Variants in ZNF91 observed in about 807,000 individuals in gnomAD.
ZNF91 encodes zinc finger protein 91.
A neutral mutation model predicts 12.6 loss-of-function variants in ZNF91; 7 were observed. The ratio of observed to expected loss-of-function variants is 0.55; its 90% CI spans 0.31 to 1.04. The LOEUF (loss-of-function observed/expected upper bound fraction) is 1.04. ZNF91 is among the 50% of genes least tolerant of loss of function. The pLI is 0.05. For missense variants in ZNF91, 1,217 were observed against 1,385.4 expected (o/e 0.88, Z 1.93); for synonymous variants, 453 against 462.6 (o/e 0.98, Z 0.27).
chr19:23,373,430 C>A lies in ZNF91; in HGVS notation c.253+312G>T, dbSNP rs1399761543. 2.7e-5 allele frequency among the ~76,000 whole-genome samples: 4 copies of A among 147,164 alleles called. No individual in the cohort carries two copies. The East Asian group carries it at 7.9e-4, about 29-fold the overall frequency. Reference sequence around the variant, plus strand: ...ACCTGTTTAAACTAATGAATACACTCAGTTAATTAGCAAAATGTAAAATGC... The same window carrying A: ...ACCTGTTTAAACTAATGAATACACTAAGTTAATTAGCAAAATGTAAAATGC... On this transcript the variant is annotated intron_variant, in intron 3 of 3. Transcript: ENST00000300619.
chr19:23,315,939 G>A (rs1967550178), intron 1 of ZNF91, among the ~76,000 whole-genome samples: 1 of 152,138 alleles, frequency 6.6e-6, no homozygotes, highest in African/African-American at 2.4e-5. Flanking sequence ...GCACCTAGGG[G>A]ATGTTACTCT....
At chr19:23,384,037 G>C (rs1022950871) in intron 1 of ZNF91, among the ~76,000 whole-genome samples, 1 of 152,090 alleles carries the variant, frequency 6.6e-6, no homozygotes, top group Non-Finnish European at 1.5e-5. Context: ...TTGAACCTAG[G>C]AGGCAGAGGT....
At chr19:23,378,156 A>G (rs561439100) in intron 1 of ZNF91, among the ~76,000 whole-genome samples, 18 of 152,340 alleles carry the variant, frequency 1.2e-4, no homozygotes, top group African/African-American at 4.3e-4. Flanking sequence ...TGGTTTTAAT[A>G]TAAAATTATT....
chr19:23,395,429 G>T lies in ZNF91; in HGVS notation c.-75C>A. 6.4e-7 allele frequency: 1 copy of T among 1,569,000 alleles called. No homozygotes were observed. The highest frequency in any genetic ancestry group is 8.7e-7 in the Non-Finnish European group (1 of 1,151,856). On this transcript the variant is annotated 5_prime_UTR_variant, in exon 1 of 4. Coordinates refer to ENST00000300619, the MANE Select transcript of ZNF91 (RefSeq NM_003430.4). ...GGCCTCCTGGAGCAGAGGACACAGA[G>T]CAGTGAAGTCGAGACCTGGAAACTC...
chr19:23,322,690 TTCG>T (rs949015858), intron 1 of ZNF91, among the ~76,000 whole-genome samples: 15 of 150,872 alleles, frequency 9.9e-5, no homozygotes, highest in African/African-American at 3.2e-4. Flanking sequence ...TCCATTCCTT[TTCG>T]TCTTCTCCTC....
chr19:23,360,776 T>A lies in ZNF91; in HGVS notation c.2203A>T (p.Ile735Phe), dbSNP rs776692171. 1 of 1,612,918 alleles carries A rather than the reference T, an allele frequency of 6.2e-7. No individual in the cohort carries two copies. The highest frequency in any genetic ancestry group is 1.3e-5 in the African/African-American group (1 of 74,808). ...TTGTAAGGTTTCTCTCCAGTATGAA[T>A]AAACTTATGTATAGTAAGATTTGAA... ...RSSNLTIHKF[I>F]HTGEKPYKCE... The change falls in exon 4 of 4, where the codon ATT becomes TTT. Residue 735 changes from isoleucine to phenylalanine, a missense_variant. Physicochemically the swap from Ile to Phe is conservative, Grantham distance 21. Coordinates refer to ENST00000300619, the MANE Select transcript of ZNF91 (RefSeq NM_003430.4).
intron 3 of ZNF91, among the ~76,000 whole-genome samples, chr19:23,352,390 C>T (rs1968388500): frequency 6.6e-6 from 1 of 152,074 alleles, no homozygotes; most frequent in Admixed American, 6.6e-5. Flanking sequence ...GCAAGACCTG[C>T]CCAAGAAGAG....
chr19:23,324,749 T>C (rs1967807106), intron 1 of ZNF91: 1 of 152,084 alleles, frequency 6.6e-6, no homozygotes, highest in African/African-American at 2.4e-5. Flanking sequence ...GACTAAATTC[T>C]TTTTTAGTGA....
chr19:23,362,784 T>C (rs1568387462), intron 3 of ZNF91, 59 bp from the exon 4 acceptor site: 17 of 1,328,678 alleles, frequency 1.3e-5, no homozygotes, highest in South Asian at 2.5e-5. Context: ...CACATGAATA[T>C]AGTTTAAAAA....
At chr19:23,324,534 C>CATATATACATAT (rs1335305396) in intron 1 of ZNF91, 2 of 149,008 alleles carry the variant, frequency 1.3e-5, no homozygotes, top group African/African-American at 2.5e-5. Context: ...TATATATATA[C>CATATATACATAT]GTATATACAT....
Position 23,360,589 on chromosome 19 carries a change from G to C in ZNF91, c.2390C>G (p.Pro797Arg). ...RHKRIHTGEK[P>R]YKCEECGKAF... The stretch of plus-strand genomic sequence containing the variant: ...TTTGCCACATTCTTCACATTTGTAG[G>C]GCTTCTCTCCAGTGTGTATCCTCTT... The change falls in exon 4 of 4, where the codon CCC becomes CGC. Residue 797 changes from proline (P) to arginine (R), a missense_variant. By Grantham distance (103) the Pro-to-Arg change is moderately radical. Transcript: ENST00000300619. The C allele has an allele frequency of 1.2e-6, 2 of 1,613,184 alleles. No individual in the cohort carries two copies. The highest frequency in any genetic ancestry group is 1.7e-6 in the Non-Finnish European group (2 of 1,179,788).
intron 1 of ZNF91, among the ~76,000 whole-genome samples, chr19:23,384,271 C>T (rs1167597391): frequency 6.6e-6 from 1 of 152,080 alleles, no homozygotes; most frequent in African/African-American, 2.4e-5. Context: ...CAGGATACAG[C>T]CCTCCGCGCC....
At chr19:23,378,060 T>C (rs1294316545) in intron 1 of ZNF91, among the ~76,000 whole-genome samples, 2 of 152,354 alleles carry the variant, frequency 1.3e-5, no homozygotes, top group African/African-American at 4.8e-5. Context: ...ATTATGTTTA[T>C]ATTTACTATT....
Position 23,360,742 on chromosome 19 carries a change from T to G in ZNF91, c.2237A>C (p.Glu746Ala), listed in dbSNP as rs749236737. The part of the protein sequence containing the change: ...HTGEKPYKCE[E>A]CGKAFNWSSS... ...GGACCAGTTAAATGCTTTGCCACAT[T>G]CTTCACACTTGTAAGGTTTCTCTCC... Residue 746 changes from glutamate (E) to alanine (A), a missense_variant, in exon 4 of 4, where the codon GAA becomes GCA. Glu to Ala is a moderately radical substitution (Grantham distance 107, BLOSUM62 -1). This residue lies in a region of ZNF91 where 726 missense variants were observed against 895.5 expected (regional missense o/e 0.81). Transcript: ENST00000300619. The G allele has an allele frequency of 1.4e-5, 22 of 1,613,722 alleles. No homozygotes were observed. Among genetic ancestry groups the G allele is most frequent in the Non-Finnish European group, 1.8e-5 (21 of 1,179,836 alleles).
Position 23,359,292 on chromosome 19 carries a change from G to A in ZNF91, c.*111C>T, listed in dbSNP as rs910399566. 8 of 508,598 alleles carry A rather than the reference G, an allele frequency of 1.6e-5. No homozygotes were observed. The highest frequency in any genetic ancestry group is 3.3e-5 in the Admixed American group (1 of 30,758). 31.5% of individuals were successfully genotyped at this position (508,598 alleles called of 1,614,324 possible). A position where few individuals can be genotyped will look rare whatever the true frequency, so the allele number is the denominator to read the frequency against. ...GGCTTGAGTGCAGTGGCGTGATCTC[G>A]GCTCACTGCAAGCTCCGCCTCCCGG... On this transcript the variant is annotated 3_prime_UTR_variant, in exon 4 of 4. Transcript: ENST00000300619.
downstream of ZNF91, among the ~76,000 whole-genome samples, chr19:23,353,248 T>A (rs1330688307): frequency 3.3e-5 from 5 of 152,188 alleles, no homozygotes; most frequent in Non-Finnish European, 7.3e-5. Flanking sequence ...ATTGAAATTA[T>A]ATCAAGCACT....
intron 1 of ZNF91, among the ~76,000 whole-genome samples, chr19:23,322,059 A>C (rs1254864551): frequency 1.3e-5 from 2 of 152,166 alleles, no homozygotes; most frequent in Non-Finnish European, 2.9e-5. Flanking sequence ...TGATTGTTAC[A>C]TATTGCTTTG....
At chr19:23,324,746 T>C (rs1967806994) in intron 1 of ZNF91, 1 of 152,052 alleles carries the variant, frequency 6.6e-6, no homozygotes, top group Non-Finnish European at 1.5e-5. Context: ...CCTGACTAAA[T>C]TCTTTTTTAG....
chr19:23,335,423 GCA>G (rs2145875348), downstream of ZNF91, among the ~76,000 whole-genome samples: 1 of 152,350 alleles, frequency 6.6e-6, no homozygotes, highest in East Asian at 1.9e-4. Context: ...GCCCCCAGAG[GCA>G]CAGTCTACAG....
Sources: allele counts gnomAD v4.1 joint callset (sites outside exome capture counted in the v4.1 genomes callset), GRCh38; gene constraint gnomAD v4.1.1; regional missense constraint gnomAD v4.1.1; transcripts MANE v1.5; gene names NCBI Gene and HGNC (gene_info 2026-07-23, HGNC 2026-07-21).